Variants in SPIDR observed in about 807,000 individuals in gnomAD.
SPIDR encodes the protein DNA repair-scaffolding protein.
Under a neutral mutation model 104.6 loss-of-function variants are expected in SPIDR, and 93 were observed. That is an observed-to-expected ratio of 0.89 (90% confidence interval 0.75 to 1.06). The LOEUF (loss-of-function observed/expected upper bound fraction) is 1.06. Ranked by LOEUF, SPIDR falls within the 50% of genes least tolerant of loss-of-function variation. SPIDR has a pLI of 0.00. For missense variants in SPIDR, 1,154 were observed against 1,111.2 expected, an observed-to-expected ratio of 1.04 and a Z score of -0.55; for synonymous variants, 431 against 416.9, an observed-to-expected ratio of 1.03 and a Z score of -0.41.
chr8:47,294,104 G>GGT lies in SPIDR; in HGVS notation c.525+74_525+75insGT. The GGT allele has an allele frequency of 2.5e-6, 3 of 1,193,064 alleles. No individual in the cohort carries two copies. The South Asian group carries it at 5.6e-5, about 22-fold the overall frequency. The allele number at this position is 1,193,064 out of a possible 1,614,324, so 73.9% of individuals were successfully genotyped here. ...AATCATAGTTGTCATTTTTTTTTTT[G>GGT]TTTTTTTTTTCCTGTCCTTCCTCGA... On this transcript the variant is annotated intron_variant, in intron 5 of 19. Coordinates refer to ENST00000297423, the MANE Select transcript of SPIDR (RefSeq NM_001080394.4).
intron 7 of SPIDR, among the ~76,000 whole-genome samples, chr8:47,412,086 T>C (rs1218498582): frequency 3.3e-5 from 5 of 152,174 alleles, no homozygotes; most frequent in Admixed American, 1.3e-4. Flanking sequence ...AGTCAGGTAG[T>C]GTGATGCCTC....
At chr8:47,501,783 T>C (rs1342954274) in intron 8 of SPIDR, among the ~76,000 whole-genome samples, 6 of 152,212 alleles carry the variant, frequency 3.9e-5, no homozygotes, top group African/African-American at 1.2e-4. Context: ...TGTGGGTTTG[T>C]CATAGATAGC....
intron 8 of SPIDR, chr8:47,527,717 T>A (rs964719232): frequency 2.6e-5 from 4 of 152,246 alleles, no homozygotes; most frequent in Admixed American, 6.5e-5. Flanking sequence ...TGGCCCCCAC[T>A]GGCACCAGTC....
chr8:47,300,383 TG>T lies in SPIDR; in HGVS notation c.525+6354del, dbSNP rs1478864679. 2.6e-5 allele frequency among the ~76,000 whole-genome samples: 4 copies of T among 152,322 alleles called. No individual in the cohort carries two copies. In the South Asian group the frequency reaches 8.3e-4, roughly 32 times the overall value. The stretch of plus-strand genomic sequence containing the variant: ...CTTGCTAGCAGTCTATCAGTTTTGT[TG>T]ATCTTTTCAAAAAGCCAGCTCCTGG... On this transcript the variant is annotated intron_variant, in intron 5 of 19. Coordinates refer to ENST00000297423, the MANE Select transcript of SPIDR (RefSeq NM_001080394.4).
In SPIDR at chr8:47,288,879, C is replaced by T. The variant is rs372095843; in HGVS notation, c.257-2154C>T. Among the ~76,000 whole-genome samples the T allele has an allele frequency of 2.4e-4, 37 of 152,252 alleles. No homozygotes were observed. The East Asian group carries it at 6.0e-3, about 25-fold the overall frequency. On this transcript the variant is annotated intron_variant, in intron 3 of 19. Transcript: ENST00000297423. ...TGTCAGTGAATCCTCTTTTCCTGAT[C>T]GATGCAAAGTGGAACATTCCATTTT...
intron 10 of SPIDR, among the ~76,000 whole-genome samples, chr8:47,631,023 C>G (rs1030544892): frequency 2.0e-5 from 3 of 152,178 alleles, no homozygotes; most frequent in African/African-American, 4.8e-5. Context: ...AGGGAAGAGG[C>G]AGGCAGAGGC....
At chr8:47,379,412 G>A (rs1254243753) in intron 5 of SPIDR, among the ~76,000 whole-genome samples, 4 of 152,076 alleles carry the variant, frequency 2.6e-5, no homozygotes, top group African/African-American at 9.7e-5. Flanking sequence ...GTGTGGTGGT[G>A]CACACCTGCA....
intron 5 of SPIDR, chr8:47,360,889 G>A (rs1285028288): frequency 2.0e-6 from 2 of 985,426 alleles, no homozygotes; most frequent in South Asian, 4.7e-5. Flanking sequence ...CACTGCTTTG[G>A]TGCTGTTTGT....
At chr8:47,680,249 C>T (rs1265269347) in intron 11 of SPIDR, among the ~76,000 whole-genome samples, 1 of 152,212 alleles carries the variant, frequency 6.6e-6, no homozygotes, top group Non-Finnish European at 1.5e-5. Context: ...TTTCCCTTTT[C>T]CTTTTAGTCT....
intron 8 of SPIDR, among the ~76,000 whole-genome samples, chr8:47,593,809 C>T (rs1313522793): frequency 6.6e-6 from 1 of 152,172 alleles, no homozygotes; most frequent in Non-Finnish European, 1.5e-5. Context: ...TCTGCTGACA[C>T]CACCCTGGCT....
At chr8:47,432,041 GATT>G (rs2067451676) in intron 7 of SPIDR, among the ~76,000 whole-genome samples, 6 of 152,118 alleles carry the variant, frequency 3.9e-5, no homozygotes, top group Admixed American at 3.3e-4. Context: ...CATCTTATAA[GATT>G]TACTCAGAAT....
chr8:47,325,224 T>G (rs2047464657), intron 5 of SPIDR, among the ~76,000 whole-genome samples: 1 of 152,148 alleles, frequency 6.6e-6, no homozygotes, highest in Non-Finnish European at 1.5e-5. Context: ...GAGTGTTAAA[T>G]TGGGAATGTA....
At chr8:47,565,605 T>C (rs1257230181) in intron 8 of SPIDR, among the ~76,000 whole-genome samples, 1 of 152,054 alleles carries the variant, frequency 6.6e-6, no homozygotes, top group Non-Finnish European at 1.5e-5. Flanking sequence ...TTAATACAAC[T>C]ACAAATATTT....
At chr8:47,706,078 A>G (rs1387512371) in intron 14 of SPIDR, among the ~76,000 whole-genome samples, 1 of 152,020 alleles carries the variant, frequency 6.6e-6, no homozygotes, top group South Asian at 2.1e-4. Flanking sequence ...TCAATATCCC[A>G]CACCCACAGT....
chr8:47,539,425 T>C (rs2087653735), intron 8 of SPIDR, among the ~76,000 whole-genome samples: 1 of 152,192 alleles, frequency 6.6e-6, no homozygotes, highest in African/African-American at 2.4e-5. Context: ...CCATCCTACC[T>C]GGGGCTCAAG....
At chr8:47,291,984 C>T (rs942110406) in intron 4 of SPIDR, among the ~76,000 whole-genome samples, 3 of 152,094 alleles carry the variant, frequency 2.0e-5, no homozygotes, top group Admixed American at 6.6e-5. Flanking sequence ...GATATTCTGC[C>T]GTGTCCCTTG....
At chr8:47,479,512 T>C (rs782679490) in intron 8 of SPIDR, among the ~76,000 whole-genome samples, 13 of 152,220 alleles carry the variant, frequency 8.5e-5, no homozygotes, top group Non-Finnish European at 1.8e-4. Context: ...AACAGGCTCC[T>C]GTGGTGAGCT....
chr8:47,323,430 G>C (rs2047126903), intron 5 of SPIDR, among the ~76,000 whole-genome samples: 1 of 152,146 alleles, frequency 6.6e-6, no homozygotes, highest in East Asian at 1.9e-4. Flanking sequence ...AATTGATAAT[G>C]AAATTTTTTT....
chr8:47,547,402 ATCT>A (rs889116841), intron 8 of SPIDR: 1 of 294,200 alleles, frequency 3.4e-6, no homozygotes, highest in Non-Finnish European at 6.8e-6. Flanking sequence ...CTGCATGCAA[ATCT>A]TCTCTTTTTT....
Sources: allele counts gnomAD v4.1 joint callset (sites outside exome capture counted in the v4.1 genomes callset), GRCh38; gene constraint gnomAD v4.1.1; transcripts MANE v1.5; gene names NCBI Gene and HGNC (gene_info 2026-07-23, HGNC 2026-07-21).